The following PTGIS variants were observed in gnomAD, a reference collection of about 807,000 sequenced individuals.
The protein encoded by PTGIS is prostaglandin I2 synthase.
PTGIS carries 45 observed loss-of-function variants against 50.3 expected under a neutral mutation model. That is an observed-to-expected ratio of 0.90 (90% confidence interval 0.70 to 1.15). The LOEUF is 1.15. Ranked by LOEUF, PTGIS falls within the 50% of genes most tolerant of loss-of-function variation. PTGIS has a pLI of 0.00. For synonymous variants in PTGIS, 260 were observed against 267.7 expected, an observed-to-expected ratio of 0.97 and a Z score of 0.28; for missense variants, 668 against 661.3, an observed-to-expected ratio of 1.01 and a Z score of -0.11.
intron 3 of PTGIS, among the ~76,000 whole-genome samples, chr20:49,546,578 G>A (rs1316323994): frequency 1.3e-5 from 2 of 152,182 alleles, no homozygotes; most frequent in African/African-American, 4.8e-5. Flanking sequence ...CGGACACAGG[G>A]TCTTATCAGC....
intron 1 of PTGIS, among the ~76,000 whole-genome samples, chr20:49,563,404 G>A (rs137974108): frequency 6.6e-6 from 1 of 152,258 alleles, no homozygotes; most frequent in East Asian, 1.9e-4. Flanking sequence ...TTTTGAAATA[G>A]ACACAAATTC....
chr20:49,546,112 G>T lies in PTGIS; in HGVS notation c.378-1664C>A, dbSNP rs528333209. Reference sequence around the variant, plus strand: ...AATACATGGGATCTGGCCTTCAATGGACCCTGACCCAGCTCTTCTCCCCAC... The same window carrying T: ...AATACATGGGATCTGGCCTTCAATGTACCCTGACCCAGCTCTTCTCCCCAC... On this transcript the variant is annotated intron_variant, in intron 3 of 9. Transcript: ENST00000244043. Among the ~76,000 whole-genome samples, 10 of 152,260 alleles carry T rather than the reference G, an allele frequency of 6.6e-5. No individual in the cohort carries two copies. The East Asian group carries it at 1.9e-3, about 29-fold the overall frequency.
intron 1 of PTGIS, among the ~76,000 whole-genome samples, chr20:49,561,596 T>C (rs1048911528): frequency 6.6e-6 from 1 of 152,196 alleles, no homozygotes; most frequent in African/African-American, 2.4e-5. Context: ...AGCAGTGATT[T>C]TTGCATAAGA....
intron 1 of PTGIS, among the ~76,000 whole-genome samples, chr20:49,565,447 T>C (rs1568689164): frequency 1.3e-5 from 2 of 152,010 alleles, no homozygotes; most frequent in Non-Finnish European, 2.9e-5. Flanking sequence ...GGTGGGAGGA[T>C]CGCTTGAGCT....
chr20:49,543,766 G>A lies in PTGIS; in HGVS notation c.521+539C>T, dbSNP rs746389868. 1.2e-4 allele frequency among the ~76,000 whole-genome samples: 18 copies of A among 152,268 alleles called. 1 individual carries two copies. The highest frequency in any genetic ancestry group is 2.1e-4 in the Non-Finnish European group (14 of 68,024). On this transcript the variant is annotated intron_variant, in intron 4 of 9. Transcript: ENST00000244043. ...ACCCCACCCGTGGATCTCTGTCATC[G>A]TGTTTATCACTCTCTGACATAACTC...
intron 6 of PTGIS, among the ~76,000 whole-genome samples, chr20:49,515,605 A>C (rs977026745): frequency 4.6e-5 from 7 of 152,268 alleles, no homozygotes; most frequent in African/African-American, 1.7e-4. Flanking sequence ...GCAAAAGGAC[A>C]TATGCACAAA....
intron 2 of PTGIS, among the ~76,000 whole-genome samples, chr20:49,548,712 TGGAAGGAAGGAAGGAAGGGAGGGA>T (rs1372286502): frequency 6.7e-6 from 1 of 149,582 alleles, no homozygotes; most frequent in Non-Finnish European, 1.5e-5. Context: ...GGTAAATGAA[TGGAAGGAAGGAAGGAAGGGAGGGA>T]GGAAGGAAGG....
intron 6 of PTGIS, among the ~76,000 whole-genome samples, chr20:49,522,826 C>T (rs1010750611): frequency 2.6e-5 from 4 of 152,072 alleles, no homozygotes; most frequent in African/African-American, 7.2e-5. Context: ...AGATCAAAAC[C>T]ATCCTGGCCA....
chr20:49,546,607 G>A (rs515633), intron 3 of PTGIS, among the ~76,000 whole-genome samples: 14,021 of 152,256 alleles, frequency 0.092, 805 homozygotes, highest in African/African-American at 0.15. Context: ...CTTAGATGAA[G>A]GAGAATGCGC....
intron 3 of PTGIS, among the ~76,000 whole-genome samples, chr20:49,545,923 C>A (rs967439425): frequency 1.3e-5 from 2 of 152,000 alleles, no homozygotes; most frequent in African/African-American, 2.4e-5. Context: ...GGGTAATCCA[C>A]CAGGGCAGGG....
chr20:49,540,941 G>T lies in PTGIS; in HGVS notation c.522-1220C>A, dbSNP rs1402795897. Among the ~76,000 whole-genome samples the T allele has an allele frequency of 6.6e-6, 1 of 152,206 alleles. No individual in the cohort carries two copies. Among genetic ancestry groups the T allele is most frequent in the Non-Finnish European group, 1.5e-5 (1 of 68,042 alleles). ...GAGACCAGGATCTCTCAGGAGAGGG[G>T]TTTTCCCAGATGAAGAGAGAATGGA... On this transcript the variant is annotated intron_variant, in intron 4 of 9. Transcript: ENST00000244043. The surrounding 1 kb of genome is among the most constrained non-coding windows in gnomAD (Gnocchi z 4.8).
intron 9 of PTGIS, among the ~76,000 whole-genome samples, chr20:49,508,396 T>G (rs904090817): frequency 4.1e-4 from 62 of 152,204 alleles, no homozygotes; most frequent in African/African-American, 1.3e-3. Context: ...ATTGAGACGG[T>G]GGAGCCGAAA....
chr20:49,531,403 G>A (rs937485846), intron 5 of PTGIS, among the ~76,000 whole-genome samples: 1 of 152,096 alleles, frequency 6.6e-6, no homozygotes, highest in South Asian at 2.1e-4. Context: ...AAATGTGGTC[G>A]TGGGAAGAAA....
chr20:49,542,665 A>C lies in PTGIS; in HGVS notation c.521+1640T>G, dbSNP rs148051856. ...TGGCCCTCTCTGGACCTCAGTCCCC[A>C]TCATACAATGCAGGGTGGACCAGAC... is the stretch of plus-strand genomic sequence containing the variant. On this transcript the variant is annotated intron_variant, in intron 4 of 9. Transcript: ENST00000244043. Among the ~76,000 whole-genome samples, 514 of 152,298 alleles carry C rather than the reference A, an allele frequency of 3.4e-3. 4 individuals are homozygous for C. Among genetic ancestry groups the C allele is most frequent in the African/African-American group, 0.012 (486 of 41,562 alleles).
intron 5 of PTGIS, among the ~76,000 whole-genome samples, chr20:49,530,981 G>A (rs905915909): frequency 1.3e-5 from 2 of 152,018 alleles, no homozygotes; most frequent in Admixed American, 1.3e-4. Flanking sequence ...GGATGGTCTC[G>A]ATCTCTTGAC....
At chr20:49,513,022 C>T in intron 8 of PTGIS, 58 bp downstream of exon 8, 1 of 1,603,394 alleles carries the variant, frequency 6.2e-7, no homozygotes, top group Non-Finnish European at 8.5e-7. Flanking sequence ...TGGCTCATCC[C>T]AAAGTCACTG....
Position 49,507,364 on chromosome 20 carries a change from TG to T in PTGIS, c.*555del, listed in dbSNP as rs1315115636. The T allele has an allele frequency of 9.8e-6, 2 of 203,532 alleles. No homozygotes were observed. Among genetic ancestry groups the T allele is most frequent in the African/African-American group, 4.7e-5 (2 of 42,934 alleles). 12.6% of individuals were successfully genotyped at this position (203,532 alleles called of 1,614,324 possible). On this transcript the variant is annotated 3_prime_UTR_variant, in exon 10 of 10. Coordinates refer to ENST00000244043, the MANE Select transcript of PTGIS (RefSeq NM_000961.4). Reference sequence around the variant, plus strand: ...GCATTTTCTCAAGTAGTGTGAGCAATGGGGCAATCTGGCAAATGGGGCCCCA... The same window carrying T: ...GCATTTTCTCAAGTAGTGTGAGCAATGGGCAATCTGGCAAATGGGGCCCCA...
chr20:49,509,881 C>CTTTCTTT (rs1981263143), intron 9 of PTGIS, among the ~76,000 whole-genome samples: 1 of 93,376 alleles, frequency 1.1e-5, no homozygotes, highest in Non-Finnish European at 2.0e-5. Flanking sequence ...TTCTTTCTTT[C>CTTTCTTT]TTTTTTTTTT....
chr20:49,552,969 T>C (rs1982549476), intron 1 of PTGIS, among the ~76,000 whole-genome samples: 1 of 152,104 alleles, frequency 6.6e-6, no homozygotes, highest in Admixed American at 6.6e-5. Flanking sequence ...AGAGGTCTAA[T>C]AAATTGGCTT....
Sources: allele counts gnomAD v4.1 joint callset (sites outside exome capture counted in the v4.1 genomes callset), GRCh38; gene constraint gnomAD v4.1.1; non-coding constraint Gnocchi (gnomAD v3.1); transcripts MANE v1.5; gene names NCBI Gene and HGNC (gene_info 2026-07-23, HGNC 2026-07-21).